The following CCL24 variants were observed in gnomAD, a reference collection of about 807,000 sequenced individuals.
CCL24 encodes the protein C-C motif chemokine ligand 24.
CCL24 carries 6 observed loss-of-function variants against 8.6 expected under a neutral mutation model. The observed-to-expected ratio is 0.70, with a 90% CI of 0.38 to 1.38. The LOEUF is 1.38. CCL24 is among the 40% of genes most tolerant of loss of function. CCL24 has a pLI of 0.02. For missense variants in CCL24, 126 were observed against 147.1 expected, an observed-to-expected ratio of 0.86 and a Z score of 0.74; for synonymous variants, 59 against 52.7, an observed-to-expected ratio of 1.12 and a Z score of -0.52.
chr7:75,813,245 G>A (rs1803812610), intron 2 of CCL24, 61 bp downstream of exon 2: 1 of 989,374 alleles, frequency 1.0e-6, no homozygotes, highest in Admixed American at 1.8e-5. Flanking sequence ...GCTTCTCAGG[G>A]ACCCTGGAGT....
At chr7:75,820,511 G>C (rs1471646752) in intron 1 of CCL24, among the ~76,000 whole-genome samples, 2 of 152,098 alleles carry the variant, frequency 1.3e-5, no homozygotes, top group Admixed American at 6.6e-5. Context: ...CATCTAGCAG[G>C]AACCAGACCC....
upstream of CCL24, chr7:75,813,835 TG>T (rs1803830144): frequency 1.4e-6 from 1 of 704,686 alleles, no homozygotes; most frequent in Non-Finnish European, 2.5e-6. Context: ...CTGCCCTTTA[TG>T]GGGCAACTAG....
At chr7:75,812,874 G>A (rs1803799678) in intron 2 of CCL24, among the ~76,000 whole-genome samples, 1 of 151,840 alleles carries the variant, frequency 6.6e-6, no homozygotes, top group East Asian at 1.9e-4. Flanking sequence ...AGGTTGCAGT[G>A]AGCCAAGATC....
rs1563353902 is a variant in CCL24 at position 75,820,086 on chromosome 7, T to TTCTTCTTCTTCC, written c.-60+3235_-60+3236insGGAAGAAGAAGA. ...CTTCTTCTTCTTCTTCTTCTTCTTC[T>TTCTTCTTCTTCC]TCCTCTTCTTCTTCTTCTTCCTTCT... On this transcript the variant is annotated intron_variant, in intron 1 of 3. Transcript: ENST00000416943. Among the ~76,000 whole-genome samples, 5 of 133,510 alleles carry TTCTTCTTCTTCC rather than the reference T, an allele frequency of 3.7e-5. 1 individual carries two copies. Among genetic ancestry groups the TTCTTCTTCTTCC allele is most frequent in the African/African-American group, 1.1e-4 (4 of 36,794 alleles). 87.6% of individuals were successfully genotyped at this position (133,510 alleles called of 152,430 possible). A position where few individuals can be genotyped will look rare whatever the true frequency, so the allele number is the denominator to read the frequency against.
chr7:75,822,923 T>C (rs1346043577), intron 1 of CCL24, among the ~76,000 whole-genome samples: 1 of 152,222 alleles, frequency 6.6e-6, no homozygotes, highest in Non-Finnish European at 1.5e-5. Context: ...TCGTCCTACA[T>C]CTTCCTGGGA....
chr7:75,812,901 G>C (rs1021197214), intron 2 of CCL24, among the ~76,000 whole-genome samples: 13 of 151,760 alleles, frequency 8.6e-5, no homozygotes, highest in African/African-American at 2.7e-4. Flanking sequence ...CTGCACTCCA[G>C]CTTGGGTGAT....
upstream of CCL24, among the ~76,000 whole-genome samples, chr7:75,816,106 C>T (rs919143940): frequency 2.6e-5 from 4 of 152,164 alleles, no homozygotes; most frequent in Admixed American, 1.3e-4. Context: ...TCATGCTTGA[C>T]CTGAACGCCT....
At chr7:75,813,887 A>G (rs1803831383), upstream of CCL24, 1 of 538,216 alleles carries the variant, frequency 1.9e-6, no homozygotes, top group Non-Finnish European at 3.4e-6. Flanking sequence ...CTTCCTTGAA[A>G]ATCCTGAGGC....
chr7:75,820,032 T>G lies in CCL24; in HGVS notation c.-60+3290A>C, dbSNP rs1387334822. On this transcript the variant is annotated intron_variant, in intron 1 of 3. Coordinates refer to the CCL24 transcript ENST00000416943. ...TTTAGTAAACTACTTCTTCTTCTTC[T>G]TCTTCTTCTTCTTCTTCTTCTTCTT... 2.6e-4 allele frequency among the ~76,000 whole-genome samples: 34 copies of G among 129,908 alleles called. 1 individual carries two copies. Among genetic ancestry groups the G allele is most frequent in the African/African-American group, 7.1e-4 (25 of 35,446 alleles). 85.2% of individuals were successfully genotyped at this position (129,908 alleles called of 152,430 possible).
chr7:75,811,841 G>T lies in CCL24; in HGVS notation c.315C>A (p.Val105=), dbSNP rs1358556248. ...KASPRARAVA[V]KGPVQRYPGN... ...CAGGATATCTCTGGACAGGGCCCTT[G>T]ACAGCCACTGCCCTGGCCCTAGGGG... The change falls in exon 3 of 3, where the codon GTC becomes GTA. Residue 105 remains valine (V), a synonymous_variant. Transcript: ENST00000222902. The T allele has an allele frequency of 1.9e-6, 3 of 1,613,280 alleles. No individual in the cohort carries two copies. The highest frequency in any genetic ancestry group is 2.5e-6 in the Non-Finnish European group (3 of 1,179,952).
At chr7:75,819,143 C>T (rs1307647303) in intron 1 of CCL24, among the ~76,000 whole-genome samples, 1 of 147,864 alleles carries the variant, frequency 6.8e-6, no homozygotes, top group Non-Finnish European at 1.5e-5. Flanking sequence ...TGGCACATGA[C>T]TGTAATCCCA....
At chr7:75,819,464 A>C (rs1803979312) in intron 1 of CCL24, among the ~76,000 whole-genome samples, 1 of 148,804 alleles carries the variant, frequency 6.7e-6, no homozygotes. Context: ...AACTCTACAA[A>C]ATATAAACGA....
In CCL24 at chr7:75,813,450, C is replaced by T. The variant is rs41448853; in HGVS notation, c.74-27G>A. 1.5e-3 allele frequency: 2,255 copies of T among 1,516,212 alleles called. 17 individuals are homozygous for T. In the Middle Eastern group the frequency reaches 0.021, roughly 14 times the overall value. 93.9% of individuals were successfully genotyped at this position (1,516,212 alleles called of 1,614,324 possible). ...TAGAAGAGGAGAGAGAGAAGAGCCA[C>T]GTCTTTTCCCAGCCTCCCCTTGGCT... On this transcript the variant is annotated intron_variant, in intron 1 of 2. Transcript: ENST00000222902.
intron 1 of CCL24, among the ~76,000 whole-genome samples, chr7:75,819,111 A>G (rs1803955723): frequency 6.8e-6 from 1 of 147,492 alleles, no homozygotes; most frequent in Non-Finnish European, 1.5e-5. Context: ...TCTACTAAAA[A>G]TACAAAACCA....
intron 1 of CCL24, among the ~76,000 whole-genome samples, chr7:75,819,303 A>AATATATATATATATATATATATATT (rs1803973525): frequency 5.8e-5 from 1 of 17,102 alleles, no homozygotes; most frequent in Non-Finnish European, 9.0e-5. Context: ...AAAAAAAAAA[A>AATATATATATATATATATATATATT]ATATATATAT....
intron 1 of CCL24, among the ~76,000 whole-genome samples, chr7:75,820,303 C>T (rs1379831512): frequency 7.2e-5 from 11 of 151,746 alleles, no homozygotes; most frequent in African/African-American, 2.4e-5. Context: ...CTCTGCCTCC[C>T]GAGTAGCTGG....
At chr7:75,812,925 CAG>C (rs1554533603) in intron 2 of CCL24, among the ~76,000 whole-genome samples, 1 of 137,786 alleles carries the variant, frequency 7.3e-6, no homozygotes, top group Non-Finnish European at 1.6e-5. Flanking sequence ...GACTCTGTCT[CAG>C]GGGAAAAAAA....
At chr7:75,812,470 CAT>C (rs1285260466) in intron 2 of CCL24, among the ~76,000 whole-genome samples, 28 of 152,126 alleles carry the variant, frequency 1.8e-4, no homozygotes, top group African/African-American at 6.8e-4. Context: ...AGGACAGACA[CAT>C]GTCAGCCCAC....
At chr7:75,823,338 G>A (rs1804087802) in exon 1 of CCL24, 1 of 152,384 alleles carries the variant, frequency 6.6e-6, no homozygotes, top group Non-Finnish European at 1.5e-5. Context: ...GTAACAGGGT[G>A]ACAGCCTTGG....
Sources: gnomAD v4.1 joint callset for allele counts (sites outside exome capture counted in the v4.1 genomes callset) on GRCh38, gnomAD v4.1.1 for gene constraint, MANE v1.5 for transcripts, NCBI Gene and HGNC (gene_info 2026-07-23, HGNC 2026-07-21) for gene names.